The following MECOM variants were observed in gnomAD, a reference collection of about 807,000 sequenced individuals.
The protein encoded by MECOM is MDS1 and EVI1 complex locus, also known as histone-lysine N-methyltransferase MECOM.
MECOM carries 13 observed loss-of-function variants against 116.3 expected under a neutral mutation model. The ratio of observed to expected loss-of-function variants is 0.11; its 90% CI spans 0.07 to 0.18. The LOEUF (loss-of-function observed/expected upper bound fraction) is 0.18, where lower values mean the gene tolerates loss of function less well. Among genes scored for constraint, MECOM ranks in the 10% least tolerant of loss-of-function variants. The probability of loss-of-function intolerance (pLI) is 1.00; values close to 1 mark genes in which losing one functional copy is unlikely to be tolerated. For missense variants in MECOM, 1,299 were observed against 1,509.0 expected (o/e 0.86, Z 2.31); for synonymous variants, 528 against 535.2 (o/e 0.99, Z 0.19).
chr3:169,085,908 A>C (rs930382538), intron 16 of MECOM, among the ~76,000 whole-genome samples: 14 of 152,122 alleles, frequency 9.2e-5, no homozygotes, highest in Non-Finnish European at 2.1e-4. Flanking sequence ...TTGATTTGCT[A>C]TTGTTGGTCT....
chr3:169,645,274 T>A (rs1302306346), intron 1 of MECOM, among the ~76,000 whole-genome samples: 1 of 149,678 alleles, frequency 6.7e-6, no homozygotes, highest in Non-Finnish European at 1.5e-5. Context: ...ATCCTGCTTT[T>A]TAACATTTCT....
intron 1 of MECOM, among the ~76,000 whole-genome samples, chr3:169,627,014 G>A (rs1392852484): frequency 6.6e-6 from 1 of 152,050 alleles, no homozygotes; most frequent in East Asian, 1.9e-4. Context: ...CACTAAAATT[G>A]CTGATGTTGG....
chr3:169,421,100 G>A (rs1309481888), intron 1 of MECOM, among the ~76,000 whole-genome samples: 2 of 152,106 alleles, frequency 1.3e-5, no homozygotes, highest in Non-Finnish European at 2.9e-5. Context: ...ATGAGGTTCA[G>A]AGAACGGACT....
chr3:169,460,558 AAAAT>A (rs1747272729), intron 1 of MECOM, among the ~76,000 whole-genome samples: 1 of 152,218 alleles, frequency 6.6e-6, no homozygotes, highest in Non-Finnish European at 1.5e-5. Context: ...CATTTCAAGG[AAAAT>A]AAATCTATTT....
Position 169,310,857 on chromosome 3 carries a change from T to C in MECOM, c.375+70330A>G, listed in dbSNP as rs572030015. Among the ~76,000 whole-genome samples, 4 of 152,350 alleles carry C rather than the reference T, an allele frequency of 2.6e-5. No homozygotes were observed. The East Asian group carries it at 7.7e-4, about 29-fold the overall frequency. ...TCTTCTTAAAAGGATTTTAGACTGC[T>C]TGAGAGTAGGTTCACAGCCTATGCT... is the stretch of plus-strand genomic sequence containing the variant. On this transcript the variant is annotated intron_variant, in intron 2 of 16. Coordinates refer to ENST00000651503, the MANE Select transcript of MECOM (RefSeq NM_004991.4).
In MECOM at chr3:169,156,810, C is replaced by G. The variant is rs527474553; in HGVS notation, c.376-12978G>C. 3.3e-5 allele frequency among the ~76,000 whole-genome samples: 5 copies of G among 152,272 alleles called. No individual in the cohort carries two copies. The South Asian group carries it at 6.2e-4, about 19-fold the overall frequency. On this transcript the variant is annotated intron_variant, in intron 2 of 16. Coordinates refer to ENST00000651503, the MANE Select transcript of MECOM (RefSeq NM_004991.4). ...TAAGATTTGGCATTATCTAGATATG[C>G]ATTTCCCTAGGAGAAAGAAAAGCAG...
At chr3:169,263,666 G>A (rs1055964045) in intron 2 of MECOM, among the ~76,000 whole-genome samples, 1 of 151,746 alleles carries the variant, frequency 6.6e-6, no homozygotes, top group African/African-American at 2.4e-5. Flanking sequence ...TGAGTTCATT[G>A]TCTTAAAGTA....
At chr3:169,557,742 T>G (rs966471254) in intron 1 of MECOM, among the ~76,000 whole-genome samples, 1 of 152,210 alleles carries the variant, frequency 6.6e-6, no homozygotes, top group Non-Finnish European at 1.5e-5. Flanking sequence ...AGGTTCCTTA[T>G]TCACTGTAGG....
At chr3:169,660,863 G>C (rs1454627985) in intron 1 of MECOM, among the ~76,000 whole-genome samples, 2 of 152,150 alleles carry the variant, frequency 1.3e-5, no homozygotes, top group African/African-American at 2.4e-5. Flanking sequence ...GCAACGCAGC[G>C]CTTCTGTCTG....
intron 2 of MECOM, among the ~76,000 whole-genome samples, chr3:169,348,721 C>T (rs1401563208): frequency 6.6e-6 from 1 of 151,942 alleles, no homozygotes; most frequent in Non-Finnish European, 1.5e-5. Flanking sequence ...TTAATAACTT[C>T]TACACATTTA....
intron 1 of MECOM, among the ~76,000 whole-genome samples, chr3:169,445,202 C>T (rs1051908826): frequency 2.0e-5 from 3 of 152,128 alleles, no homozygotes; most frequent in Admixed American, 1.3e-4. Context: ...GAAAATGTAA[C>T]CAGGCCATGT....
intron 2 of MECOM, among the ~76,000 whole-genome samples, chr3:169,241,960 G>A (rs1246297088): frequency 6.6e-6 from 1 of 152,156 alleles, no homozygotes; most frequent in African/African-American, 2.4e-5. Flanking sequence ...AATGTAAAAA[G>A]TATTAGTGCT....
At chr3:169,511,726 G>A (rs1755991070) in intron 1 of MECOM, among the ~76,000 whole-genome samples, 1 of 151,698 alleles carries the variant, frequency 6.6e-6, no homozygotes, top group African/African-American at 2.4e-5. Context: ...CCGAGATCGT[G>A]CCACTGCACT....
chr3:169,496,209 G>A (rs1046348423), intron 1 of MECOM, among the ~76,000 whole-genome samples: 5 of 152,200 alleles, frequency 3.3e-5, no homozygotes, highest in African/African-American at 1.2e-4. Context: ...TCTATCAGGA[G>A]TTCACTGGAA....
At chr3:169,219,481 T>A (rs561896876) in intron 2 of MECOM, among the ~76,000 whole-genome samples, 2 of 152,324 alleles carry the variant, frequency 1.3e-5, no homozygotes, top group East Asian at 3.9e-4. Context: ...CACTCCAGCC[T>A]GGGCGACAGA....
chr3:169,553,324 C>T (rs1761628092), intron 1 of MECOM, among the ~76,000 whole-genome samples: 1 of 152,018 alleles, frequency 6.6e-6, no homozygotes. Context: ...ATGATAATTT[C>T]AGATAGTGAT....
At chr3:169,410,457 T>C (rs1296769823) in intron 1 of MECOM, among the ~76,000 whole-genome samples, 1 of 152,198 alleles carries the variant, frequency 6.6e-6, no homozygotes, top group African/African-American at 2.4e-5. Context: ...TTGTGTCCTT[T>C]GTACCCTGAT....
rs1232688634 is a variant in MECOM, at chr3:169,144,921, T to A, written c.376-1089A>T. 7 of 1,107,340 alleles carry A rather than the reference T, an allele frequency of 6.3e-6. No individual in the cohort carries two copies. The African/African-American group carries it at 1.1e-4, about 17-fold the overall frequency. 68.6% of individuals were successfully genotyped at this position (1,107,340 alleles called of 1,614,324 possible). On this transcript the variant is annotated intron_variant, in intron 2 of 16. Transcript: ENST00000651503. The stretch of plus-strand genomic sequence containing the variant: ...CACATAAAAGTTAAAATTAAACTCT[T>A]GAGTACTGAGACCAAAAGCAATTTT...
chr3:169,407,710 A>G (rs1332182932), intron 1 of MECOM, among the ~76,000 whole-genome samples: 1 of 152,260 alleles, frequency 6.6e-6, no homozygotes, highest in South Asian at 2.1e-4. Flanking sequence ...ATCCAAAATT[A>G]GGAGAGGAAA....
Sources: gnomAD v4.1 joint callset for allele counts (sites outside exome capture counted in the v4.1 genomes callset) on GRCh38, gnomAD v4.1.1 for gene constraint, MANE v1.5 for transcripts, NCBI Gene and HGNC (gene_info 2026-07-23, HGNC 2026-07-21) for gene names.